The following DNM3 variants were observed in gnomAD, a reference collection of about 807,000 sequenced individuals.
DNM3 encodes the protein dynamin 3.
In DNM3, 47 loss-of-function variants were observed where a neutral mutation model predicts 101.6. The observed-to-expected ratio is 0.46, with a 90% confidence interval of 0.37 to 0.59. The LOEUF (loss-of-function observed/expected upper bound fraction) is 0.59, where lower values mean the gene tolerates loss of function less well. Ranked by LOEUF, DNM3 falls within the 20% of genes least tolerant of loss-of-function variation. The pLI is 0.00. For synonymous variants in DNM3, 385 were observed against 387.9 expected (o/e 0.99, Z 0.09); for missense variants, 849 against 1,085.7 (o/e 0.78, Z 3.06).
In DNM3 at chr1:171,959,595, A is replaced by G. The variant is rs559071255; in HGVS notation, c.236-28061A>G. On this transcript the variant is annotated intron_variant, in intron 2 of 20. Coordinates refer to ENST00000627582, the MANE Select transcript of DNM3 (RefSeq NM_015569.5). ...AAAAAATGGATAAAATTGCCCCGGA[A>G]GAATTAAAAACAACAACAACAAAAG... Among the ~76,000 whole-genome samples the G allele has an allele frequency of 1.2e-4, 18 of 152,308 alleles. No individual in the cohort carries two copies. In the East Asian group the frequency reaches 3.5e-3, roughly 29 times the overall value.
At chr1:172,199,125 T>G (rs1362553332) in intron 14 of DNM3, among the ~76,000 whole-genome samples, 1 of 152,138 alleles carries the variant, frequency 6.6e-6, no homozygotes, top group Non-Finnish European at 1.5e-5. Context: ...TCTCATTATT[T>G]TCAAAGAACT....
At position 172,376,897 on chromosome 1, in the gene DNM3, CA is replaced by C. The variant is rs552310215; in HGVS notation, c.1894-2120del. Among the ~76,000 whole-genome samples, 13 of 152,022 alleles carry C rather than the reference CA, an allele frequency of 8.6e-5. No individual in the cohort carries two copies. In the South Asian group the frequency reaches 2.7e-3, roughly 31 times the overall value. ...GCATCTGGTTTCAAAAAGTGAAAGTCAGTGTCTTTTGCTTATTTTGATATGC... is the reference window on the plus strand; with the variant it reads ...GCATCTGGTTTCAAAAAGTGAAAGTCGTGTCTTTTGCTTATTTTGATATGC... On this transcript the variant is annotated intron_variant, in intron 17 of 20. Coordinates refer to ENST00000627582, the MANE Select transcript of DNM3 (RefSeq NM_015569.5).
intron 1 of DNM3, among the ~76,000 whole-genome samples, chr1:171,891,784 T>A (rs887856857): frequency 6.6e-6 from 1 of 152,216 alleles, no homozygotes; most frequent in African/African-American, 2.4e-5. Context: ...AGGAGCATAC[T>A]GTTAGTGACT....
At chr1:172,349,165 C>A (rs74534570) in intron 17 of DNM3, among the ~76,000 whole-genome samples, 11,577 of 152,192 alleles carry the variant, frequency 0.076, 500 homozygotes, top group South Asian at 0.15. Flanking sequence ...ACCACATTTG[C>A]TCATCCATTT....
chr1:172,379,657 G>A (rs2068790282), intron 18 of DNM3, among the ~76,000 whole-genome samples: 2 of 151,884 alleles, frequency 1.3e-5, no homozygotes, highest in African/African-American at 4.8e-5. Context: ...TTTTAACCTG[G>A]GAAAGGGCTT....
At chr1:172,227,578 C>G (rs2061181106) in intron 14 of DNM3, among the ~76,000 whole-genome samples, 1 of 151,998 alleles carries the variant, frequency 6.6e-6, no homozygotes, top group South Asian at 2.1e-4. Context: ...TTTACCACAT[C>G]CATGCCAACA....
At chr1:172,060,509 A>G (rs2051087650) in intron 10 of DNM3, among the ~76,000 whole-genome samples, 1 of 49,258 alleles carries the variant, frequency 2.0e-5, no homozygotes, top group Non-Finnish European at 3.5e-5. Flanking sequence ...ATATAGATCA[A>G]TGGAACAGAA....
chr1:172,297,237 G>A (rs1270357835), intron 15 of DNM3, among the ~76,000 whole-genome samples: 1 of 150,582 alleles, frequency 6.6e-6, no homozygotes, highest in Non-Finnish European at 1.5e-5. Context: ...AGTTAATTTT[G>A]GTAATTTGTA....
intron 2 of DNM3, among the ~76,000 whole-genome samples, chr1:171,925,112 G>A (rs141624019): frequency 0.027 from 4,124 of 150,906 alleles, 96 homozygotes; most frequent in Non-Finnish European, 0.045. Context: ...TGTTGGCCAG[G>A]CTGGTCTTGA....
At position 172,412,252 on chromosome 1, in the gene DNM3, G is replaced by T. The variant is rs1157495464; in HGVS notation, c.*4411G>T. The stretch of plus-strand genomic sequence containing the variant: ...TTTACTCTTGAATTCCTTAAACTTC[G>T]CTCATTATGAAATGTTTTAAAATTA... On this transcript the variant is annotated 3_prime_UTR_variant, in exon 21 of 21. Coordinates refer to ENST00000627582, the MANE Select transcript of DNM3 (RefSeq NM_015569.5). 2.0e-6 allele frequency: 2 copies of T among 984,970 alleles called. No individual in the cohort carries two copies. Among genetic ancestry groups the T allele is most frequent in the Middle Eastern group, 5.2e-4 (1 of 1,936 alleles). The allele number at this position is 984,970 out of a possible 1,614,324, so 61.0% of individuals were successfully genotyped here. A position where few individuals can be genotyped will look rare whatever the true frequency, so the allele number is the denominator to read the frequency against.
At chr1:172,133,538 A>G in intron 14 of DNM3, 1 of 684,192 alleles carries the variant, frequency 1.5e-6, no homozygotes, top group Non-Finnish European at 1.8e-6. Context: ...GGGTAGTTTC[A>G]TCCATTTAGA....
intron 11 of DNM3, among the ~76,000 whole-genome samples, chr1:172,073,511 GAGTAAT>G (rs1234299400): frequency 1.3e-5 from 2 of 152,096 alleles, no homozygotes; most frequent in Non-Finnish European, 2.9e-5. Flanking sequence ...GACTATTTGA[GAGTAAT>G]AGTACAATCC....
chr1:171,914,921 G>A (rs1481854475), intron 1 of DNM3, among the ~76,000 whole-genome samples: 2 of 152,110 alleles, frequency 1.3e-5, no homozygotes, highest in Non-Finnish European at 2.9e-5. Flanking sequence ...AGACATGTGG[G>A]GGTGGGGGGA....
intron 1 of DNM3, among the ~76,000 whole-genome samples, chr1:171,845,831 GT>G (rs1250648948): frequency 6.6e-6 from 1 of 152,292 alleles, no homozygotes; most frequent in Admixed American, 6.5e-5. Context: ...ATACGCAGAT[GT>G]TTTAAAATGA....
chr1:172,166,699 C>A (rs2058756811), intron 14 of DNM3, among the ~76,000 whole-genome samples: 1 of 151,460 alleles, frequency 6.6e-6, no homozygotes, highest in Non-Finnish European at 1.5e-5. Flanking sequence ...TTTCCCCATC[C>A]TACCCAACAT....
At chr1:171,851,503 T>G (rs2032960032) in intron 1 of DNM3, among the ~76,000 whole-genome samples, 1 of 152,192 alleles carries the variant, frequency 6.6e-6, no homozygotes, top group Non-Finnish European at 1.5e-5. Flanking sequence ...AACCTCTGCC[T>G]CCCAGGTGCA....
intron 4 of DNM3, among the ~76,000 whole-genome samples, chr1:171,989,697 A>G (rs2045510100): frequency 6.6e-6 from 1 of 152,172 alleles, no homozygotes; most frequent in Admixed American, 6.5e-5. Flanking sequence ...TCTTATGCGT[A>G]TGTTTAAACT....
chr1:172,092,915 A>G, intron 13 of DNM3, 40 bp downstream of exon 13: 1 of 1,513,064 alleles, frequency 6.6e-7, no homozygotes, highest in Non-Finnish European at 8.9e-7. Context: ...GCATGTCCCA[A>G]AGAATTTGAA....
intron 1 of DNM3, among the ~76,000 whole-genome samples, chr1:171,917,525 A>G (rs1571600228): frequency 3.3e-5 from 5 of 152,332 alleles, no homozygotes; most frequent in Admixed American, 3.3e-4. Context: ...CCAGCTGTTA[A>G]CACTGAAGAT....
Sources: gnomAD v4.1 joint callset for allele counts (sites outside exome capture counted in the v4.1 genomes callset) on GRCh38, gnomAD v4.1.1 for gene constraint, MANE v1.5 for transcripts, NCBI Gene and HGNC (gene_info 2026-07-23, HGNC 2026-07-21) for gene names.